SEC31A: variants seen among roughly 807,000 people sequenced by gnomAD.
SEC31A encodes SEC31 homolog A, COPII component, also known as protein transport protein Sec31A.
In SEC31A, 70 loss-of-function variants were observed where a neutral mutation model predicts 151.0. The ratio of observed to expected loss-of-function variants is 0.46; its 90% CI spans 0.38 to 0.57. The LOEUF (loss-of-function observed/expected upper bound fraction) is 0.57, where lower values mean the gene tolerates loss of function less well. Among genes scored for constraint, SEC31A ranks in the 20% least tolerant of loss-of-function variants. The pLI is 0.00. For missense variants in SEC31A, 1,330 were observed against 1,471.2 expected, an observed-to-expected ratio of 0.90 and a Z score of 1.57; for synonymous variants, 475 against 505.9, an observed-to-expected ratio of 0.94 and a Z score of 0.82.
intron 14 of SEC31A, among the ~76,000 whole-genome samples, chr4:82,859,739 T>C (rs1226241018): frequency 6.6e-6 from 1 of 151,944 alleles, no homozygotes; most frequent in Non-Finnish European, 1.5e-5. Flanking sequence ...CATTAAGGAA[T>C]AAATCAGAGA....
At chr4:82,856,047 C>T (rs1338844848) in intron 16 of SEC31A, among the ~76,000 whole-genome samples, 1 of 152,078 alleles carries the variant, frequency 6.6e-6, no homozygotes, top group African/African-American at 2.4e-5. Flanking sequence ...ACTATATAAA[C>T]AAGCGTGTTT....
In SEC31A at chr4:82,866,884, G is replaced by A; in HGVS notation, c.1121C>T (p.Thr374Ile). The change falls in exon 10 of 27, where the codon ACT becomes ATT. Residue 374 changes from threonine (T) to isoleucine (I), a missense_variant. By Grantham distance (89) the Thr-to-Ile change is moderately conservative. Coordinates refer to ENST00000395310, the MANE Select transcript of SEC31A (RefSeq NM_001077207.4). ...PLPPLQIPQQ[T>I]AQHSIVLPLK... ...AGGCAGCACTATACTATGCTGAGCAGTCTGCTGTGGAATTTGTAACGGAGG... is the reference window on the plus strand; with the variant it reads ...AGGCAGCACTATACTATGCTGAGCAATCTGCTGTGGAATTTGTAACGGAGG... 1 of 1,614,168 alleles carries A rather than the reference G, an allele frequency of 6.2e-7. No individual in the cohort carries two copies. The highest frequency in any genetic ancestry group is 8.5e-7 in the Non-Finnish European group (1 of 1,179,996).
At chr4:82,837,158 C>CATATATATATAT (rs138120291) in intron 22 of SEC31A, among the ~76,000 whole-genome samples, 21 of 42,668 alleles carry the variant, frequency 4.9e-4, no homozygotes, top group African/African-American at 7.1e-4. Flanking sequence ...TAAATTTTAT[C>CATATATATATAT]ATATATATAT....
rs146652244 is a variant in SEC31A, at chr4:82,874,739, T to C, written c.511A>G (p.Ile171Val). Residue 171 changes from isoleucine to valine, a missense_variant, in exon 6 of 27, where the codon ATC becomes GTC. Ile to Val is a conservative substitution (Grantham distance 29). Coordinates refer to ENST00000395310, the MANE Select transcript of SEC31A (RefSeq NM_001077207.4). ...TGTCTGTTCCATGCAATGCAGCTGATATCTTCTGGCGGCTACAAGGAAGAA... is the reference window on the plus strand; with the variant it reads ...TGTCTGTTCCATGCAATGCAGCTGACATCTTCTGGCGGCTACAAGGAAGAA... ...PGAKTQPPED[I>V]SCIAWNRQVQ... 29 of 1,607,338 alleles carry C rather than the reference T, an allele frequency of 1.8e-5. No individual in the cohort carries two copies. In the African/African-American group the frequency reaches 3.9e-4, roughly 21 times the overall value.
intron 3 of SEC31A, chr4:82,899,454 CT>C (rs1720212237): frequency 6.6e-6 from 1 of 152,200 alleles, no homozygotes. Context: ...TCACTCGGGT[CT>C]TAATTGGTTG....
At chr4:82,837,160 T>C (rs1346112275) in intron 22 of SEC31A, among the ~76,000 whole-genome samples, 1 of 30,052 alleles carries the variant, frequency 3.3e-5, no homozygotes, top group South Asian at 1.3e-3. Context: ...AATTTTATCA[T>C]ATATATATAT....
chr4:82,872,791 C>T (rs143788501), intron 6 of SEC31A, among the ~76,000 whole-genome samples: 93 of 152,216 alleles, frequency 6.1e-4, no homozygotes, highest in African/African-American at 2.1e-3. Context: ...CTGCCACCTC[C>T]GCCTCCCAGG....
At chr4:82,851,974 T>C (rs1249379145) in intron 18 of SEC31A, among the ~76,000 whole-genome samples, 2 of 152,220 alleles carry the variant, frequency 1.3e-5, no homozygotes, top group African/African-American at 4.8e-5. Context: ...ATATCTGATA[T>C]GGTTTGGTTG....
At chr4:82,841,072 C>A (rs1728611059) in intron 22 of SEC31A, among the ~76,000 whole-genome samples, 1 of 152,122 alleles carries the variant, frequency 6.6e-6, no homozygotes, top group South Asian at 2.1e-4. Context: ...TGTAATAACA[C>A]TTAGCTTAAA....
chr4:82,895,365 G>A (rs967992174), upstream of SEC31A: 57 of 152,308 alleles, frequency 3.7e-4, no homozygotes, highest in African/African-American at 1.3e-3. Context: ...AGCCACTTGG[G>A]AAGCTGGGCC....
chr4:82,859,793 T>A lies in SEC31A; in HGVS notation c.1626+1838A>T, dbSNP rs56035561. Among the ~76,000 whole-genome samples, 134 of 14,676 alleles carry A rather than the reference T, an allele frequency of 9.1e-3. 1 individual carries two copies. Among genetic ancestry groups the A allele is most frequent in the South Asian group, 0.013 (9 of 676 alleles). The allele number at this position is 14,676 out of a possible 152,430, so 9.6% of individuals were successfully genotyped here. Reference sequence around the variant, plus strand: ...CATTAACAAACTTGCATAAAAATATTTTTTTTTTTTTTTTTTGAGACAGGG... The same window carrying A: ...CATTAACAAACTTGCATAAAAATATATTTTTTTTTTTTTTTTGAGACAGGG... On this transcript the variant is annotated intron_variant, in intron 14 of 26. Transcript: ENST00000395310.
intron 22 of SEC31A, among the ~76,000 whole-genome samples, chr4:82,841,546 C>T: frequency 6.9e-6 from 1 of 145,960 alleles, no homozygotes. Flanking sequence ...GAGGCTGAGG[C>T]AGGAGAATCA....
At chr4:82,858,989 C>T (rs1733454798) in intron 14 of SEC31A, among the ~76,000 whole-genome samples, 1 of 152,102 alleles carries the variant, frequency 6.6e-6, no homozygotes, top group Admixed American at 6.5e-5. Context: ...GCGTGAGCCA[C>T]CACGCCAGGC....
In SEC31A at chr4:82,870,501, G is replaced by A; in HGVS notation, c.783-77C>T. 3 of 1,125,114 alleles carry A rather than the reference G, an allele frequency of 2.7e-6. No homozygotes were observed. The South Asian group carries it at 3.9e-5, about 15-fold the overall frequency. The allele number at this position is 1,125,114 out of a possible 1,614,324, so 69.7% of individuals were successfully genotyped here. On this transcript the variant is annotated intron_variant, in intron 7 of 26. Transcript: ENST00000395310. The stretch of plus-strand genomic sequence containing the variant: ...TCTCAACTATTTCTGCCTAGGTTTT[G>A]TAGATTCACACATTGTTAACAGAAA...
At position 82,890,743 on chromosome 4, in the gene SEC31A, G is replaced by C. The variant is rs920560222; in HGVS notation, c.-5+345C>G. Reference sequence around the variant, plus strand: ...TTTTTTTCCTCTCCTCACCCTCGGGGACCGCACCTCTTTGTGCACAAGGGT... The same window carrying C: ...TTTTTTTCCTCTCCTCACCCTCGGGCACCGCACCTCTTTGTGCACAAGGGT... On this transcript the variant is annotated intron_variant, in intron 1 of 26. Coordinates refer to ENST00000395310, the MANE Select transcript of SEC31A (RefSeq NM_001077207.4). 11 of 1,148,472 alleles carry C rather than the reference G, an allele frequency of 9.6e-6. No homozygotes were observed. The African/African-American group carries it at 1.3e-4, about 13-fold the overall frequency. 71.1% of individuals were successfully genotyped at this position (1,148,472 alleles called of 1,614,324 possible).
chr4:82,825,927 G>C (rs527650319), intron 24 of SEC31A, among the ~76,000 whole-genome samples: 3 of 152,276 alleles, frequency 2.0e-5, no homozygotes, highest in Admixed American at 2.0e-4. Flanking sequence ...CCAGGTTTTT[G>C]CCTGGATTCC....
chr4:82,883,806 G>T (rs1326546215), intron 1 of SEC31A, among the ~76,000 whole-genome samples: 2 of 151,272 alleles, frequency 1.3e-5, no homozygotes, highest in Non-Finnish European at 2.9e-5. Flanking sequence ...TCCAGCCTGG[G>T]CGACAGAGTG....
intron 8 of SEC31A, among the ~76,000 whole-genome samples, chr4:82,869,405 C>T (rs938925537): frequency 6.6e-6 from 1 of 151,958 alleles, no homozygotes; most frequent in African/African-American, 2.4e-5. Flanking sequence ...GCTGGGATTA[C>T]AGGCCTGAGC....
At chr4:82,834,081 A>G (rs1362795493) in intron 22 of SEC31A, among the ~76,000 whole-genome samples, 1 of 152,246 alleles carries the variant, frequency 6.6e-6, no homozygotes, top group Admixed American at 6.5e-5. Context: ...TTTATCTTAC[A>G]TGATGACTTT....
Sources: gnomAD v4.1 joint callset for allele counts (sites outside exome capture counted in the v4.1 genomes callset) on GRCh38, gnomAD v4.1.1 for gene constraint, MANE v1.5 for transcripts, NCBI Gene and HGNC (gene_info 2026-07-23, HGNC 2026-07-21) for gene names.